QTGAL: variants seen among roughly 807,000 people sequenced by gnomAD.
The protein encoded by QTGAL is queuosine-tRNA galactosyltransferase, also known as BGnT-like protein 1.
the QTGAL span, chr17:82,956,877 CT>C: frequency 1.5e-6 from 2 of 1,306,278 alleles, no homozygotes; most frequent in Non-Finnish European, 2.2e-6. This position sits in a 1 kb window ranked among gnomAD's most constrained non-coding sequence, Gnocchi z 5.7. Flanking sequence ...GGAGCCAGGG[CT>C]TGGGCAGCAG....
chr17:83,006,926 T>G, the QTGAL span: 2 of 687,098 alleles, frequency 2.9e-6, no homozygotes, highest in Non-Finnish European at 3.6e-6. This position sits in a 1 kb window ranked among gnomAD's most constrained non-coding sequence, Gnocchi z 5.8. Flanking sequence ...TCCAGAGTGG[T>G]TGCGCCGTCT....
the QTGAL span, chr17:83,006,045 C>T: frequency 9.8e-7 from 1 of 1,017,950 alleles, no homozygotes; most frequent in African/African-American, 1.7e-5. The surrounding 1 kb of genome is among the most constrained non-coding windows in gnomAD (Gnocchi z 5.8). Context: ...ACAGCACCCA[C>T]CCCAAGTGAG....
chr17:82,979,669 G>T, the QTGAL span, among the ~76,000 whole-genome samples: 6 of 152,240 alleles, frequency 3.9e-5, no homozygotes, highest in Non-Finnish European at 7.3e-5. Context: ...CTATAGTAAA[G>T]ATGTCAACTC....
the QTGAL span, among the ~76,000 whole-genome samples, chr17:82,986,699 A>AAT: frequency 6.6e-6 from 1 of 152,244 alleles, no homozygotes; most frequent in African/African-American, 2.4e-5. Flanking sequence ...CGTCATCATA[A>AAT]ACAGCACCAA....
chr17:82,958,956 ATGTG>A, the QTGAL span, among the ~76,000 whole-genome samples: 4 of 50,006 alleles, frequency 8.0e-5, no homozygotes, highest in Admixed American at 5.4e-4. Flanking sequence ...GTGGGGGTGT[ATGTG>A]TGTGTGTGTA....
At chr17:83,016,658 TGGAGGGTGG>T in the QTGAL span, among the ~76,000 whole-genome samples, 1 of 19,568 alleles carries the variant, frequency 5.1e-5, no homozygotes, top group Non-Finnish European at 9.6e-5. Flanking sequence ...AGGAGGCAGG[TGGAGGGTGG>T]AGGGAAGTGG....
the QTGAL span, among the ~76,000 whole-genome samples, chr17:83,038,640 G>C: frequency 6.6e-6 from 1 of 152,134 alleles, no homozygotes; most frequent in Admixed American, 6.5e-5. Flanking sequence ...AGGCGGATCA[G>C]GAGGTCAGGA....
At chr17:82,970,616 C>CCACCCGGCGTGGACGCGACCTCCG in the QTGAL span, among the ~76,000 whole-genome samples, 1 of 31,210 alleles carries the variant, frequency 3.2e-5, no homozygotes, top group African/African-American at 1.4e-4. Context: ...CGCGACCTCC[C>CCACCCGGCGTGGACGCGACCTCCG]CACCCGGCGT....
At chr17:82,946,810 G>A in the QTGAL span, 1 of 1,260,204 alleles carries the variant, frequency 7.9e-7, no homozygotes, top group Non-Finnish European at 1.1e-6. Flanking sequence ...TAGAATAAGA[G>A]CAGAATGAAA....
chr17:82,951,089 A>G, the QTGAL span, among the ~76,000 whole-genome samples: 2 of 152,222 alleles, frequency 1.3e-5, no homozygotes, highest in African/African-American at 4.8e-5. Context: ...CGTTCCAATA[A>G]TGGAACACTA....
At chr17:82,964,440 T>C in the QTGAL span, among the ~76,000 whole-genome samples, 1 of 152,124 alleles carries the variant, frequency 6.6e-6, no homozygotes, top group African/African-American at 2.4e-5. Context: ...CAACATAGAA[T>C]TGGAGTTTTT....
chr17:83,025,035 C>T, the QTGAL span, among the ~76,000 whole-genome samples: 4 of 152,312 alleles, frequency 2.6e-5, no homozygotes, highest in Admixed American at 6.5e-5. Context: ...AAAGGTCCCT[C>T]GCTGGCCAAA....
chr17:83,030,163 GA>G, the QTGAL span, among the ~76,000 whole-genome samples: 1 of 152,144 alleles, frequency 6.6e-6, no homozygotes, highest in Non-Finnish European at 1.5e-5. Flanking sequence ...AGAAGAAAAA[GA>G]AATCATAGTG....
chr17:82,965,684 G>C, the QTGAL span: 1 of 1,612,100 alleles, frequency 6.2e-7, no homozygotes, highest in South Asian at 1.1e-5. Flanking sequence ...CCACGTGGGA[G>C]AACCACGCTC....
At chr17:83,050,847 G>GTGCA in the QTGAL span, among the ~76,000 whole-genome samples, 1 of 151,806 alleles carries the variant, frequency 6.6e-6, no homozygotes, top group African/African-American at 2.4e-5. Flanking sequence ...GCAGGCAGGT[G>GTGCA]TGCACGGCAG....
At chr17:82,990,348 G>A in the QTGAL span, among the ~76,000 whole-genome samples, 1 of 152,260 alleles carries the variant, frequency 6.6e-6, no homozygotes, top group Non-Finnish European at 1.5e-5. Flanking sequence ...TGTGTGATCA[G>A]CTGGGAGGAA....
At chr17:82,952,298 G>A in the QTGAL span, among the ~76,000 whole-genome samples, 1 of 152,168 alleles carries the variant, frequency 6.6e-6, no homozygotes, top group South Asian at 2.1e-4. Context: ...CCATGTCTGT[G>A]TGTCCCCCAC....
At chr17:82,985,919 C>A in the QTGAL span, among the ~76,000 whole-genome samples, 1 of 152,176 alleles carries the variant, frequency 6.6e-6, no homozygotes, top group African/African-American at 2.4e-5. Context: ...GTGGCACATC[C>A]CAGAATCTCT....
chr17:83,044,045 A>G, the QTGAL span, among the ~76,000 whole-genome samples: 2 of 152,218 alleles, frequency 1.3e-5, no homozygotes, highest in Non-Finnish European at 2.9e-5. Flanking sequence ...AGGTGACCTC[A>G]CTGATGAATT....
Sources: allele counts gnomAD v4.1 joint callset (sites outside exome capture counted in the v4.1 genomes callset), GRCh38; gene constraint gnomAD v4.1.1; non-coding constraint Gnocchi (gnomAD v3.1); transcripts MANE v1.5; gene names NCBI Gene and HGNC (gene_info 2026-07-23, HGNC 2026-07-21).